The following SLC35F4 variants were observed in gnomAD, a reference collection of about 807,000 sequenced individuals.
The protein encoded by SLC35F4 is chromosome 14 open reading frame 36.
In SLC35F4, 24 loss-of-function variants were observed where a neutral mutation model predicts 44.2. That is an observed-to-expected ratio of 0.54 (90% confidence interval 0.39 to 0.76). The LOEUF (loss-of-function observed/expected upper bound fraction) is 0.76, where lower values mean the gene tolerates loss of function less well. Ranked by LOEUF, SLC35F4 falls within the 30% of genes least tolerant of loss-of-function variation. The probability of loss-of-function intolerance (pLI) is 0.00; values close to 1 mark genes in which losing one functional copy is unlikely to be tolerated. For synonymous variants in SLC35F4, 238 were observed against 223.6 expected (o/e 1.06, Z -0.57); for missense variants, 562 against 586.1 (o/e 0.96, Z 0.42).
At chr14:57,773,172 C>A (rs116888382) in intron 1 of SLC35F4, among the ~76,000 whole-genome samples, 108 of 152,258 alleles carry the variant, frequency 7.1e-4, no homozygotes, top group Admixed American at 1.2e-3. Flanking sequence ...TTTTGCCCAG[C>A]TTTTAATGGG....
intron 1 of SLC35F4, among the ~76,000 whole-genome samples, chr14:57,804,686 A>C (rs1881087682): frequency 6.6e-6 from 1 of 152,228 alleles, no homozygotes; most frequent in Admixed American, 6.5e-5. Context: ...AATCCAGGCA[A>C]TAGCATTCAG....
chr14:57,830,790 A>G (rs114389494), intron 1 of SLC35F4, among the ~76,000 whole-genome samples: 180 of 152,240 alleles, frequency 1.2e-3, no homozygotes, highest in African/African-American at 4.2e-3. Context: ...AGGTGTTGCA[A>G]GACAAAGAAT....
At position 57,832,381 on chromosome 14, in the gene SLC35F4, C is replaced by T. The variant is rs76365970; in HGVS notation, c.103+33342G>A. ...ACTTTAAGTAGCTTGTCCAAAGTCA[C>T]AGATTAATACATAGAAGAAGAATAT... On this transcript the variant is annotated intron_variant, in intron 1 of 7. Coordinates refer to ENST00000556826, the MANE Select transcript of SLC35F4 (RefSeq NM_001306087.2). Among the ~76,000 whole-genome samples, 862 of 152,260 alleles carry T rather than the reference C, an allele frequency of 5.7e-3. 6 individuals carry two copies. The highest frequency in any genetic ancestry group is 0.019 in the African/African-American group (788 of 41,530).
chr14:57,692,095 T>G (rs909422488), intron 1 of SLC35F4, among the ~76,000 whole-genome samples: 2 of 152,230 alleles, frequency 1.3e-5, no homozygotes, highest in Admixed American at 1.3e-4. Flanking sequence ...ACTTACATGT[T>G]GTTCACTTCC....
intron 1 of SLC35F4, among the ~76,000 whole-genome samples, chr14:57,802,985 CAAAAAAAAAA>C (rs59647111): frequency 1.4e-5 from 1 of 71,320 alleles, no homozygotes; most frequent in African/African-American, 8.6e-5. Context: ...GCAGAGATAC[CAAAAAAAAAA>C]AAAAAAAAAA....
Position 57,749,586 on chromosome 14 carries a change from T to C in SLC35F4, c.103+116137A>G, listed in dbSNP as rs1443865995. 2.0e-5 allele frequency among the ~76,000 whole-genome samples: 3 copies of C among 152,072 alleles called. No individual in the cohort carries two copies. In the East Asian group the frequency reaches 5.8e-4, roughly 29 times the overall value. Reference sequence around the variant, plus strand: ...AAGCACTAGGCTTTGCAGTTGAAGTTTAAAGGTGTAATAAATGTACTCTGC... The same window carrying C: ...AAGCACTAGGCTTTGCAGTTGAAGTCTAAAGGTGTAATAAATGTACTCTGC... On this transcript the variant is annotated intron_variant, in intron 1 of 7. Transcript: ENST00000556826.
intron 1 of SLC35F4, among the ~76,000 whole-genome samples, chr14:57,951,600 GA>G (rs1344180173): frequency 6.6e-6 from 1 of 152,174 alleles, no homozygotes; most frequent in African/African-American, 2.4e-5. Flanking sequence ...TTGGTGTGGG[GA>G]GGGGCATCTT....
chr14:57,568,275 G>A (rs1319614562), intron 6 of SLC35F4, among the ~76,000 whole-genome samples: 1 of 152,218 alleles, frequency 6.6e-6, no homozygotes, highest in African/African-American at 2.4e-5. Context: ...TCCAGCCTCT[G>A]CAGGCTTGCT....
At chr14:57,776,649 G>C (rs995937712) in intron 1 of SLC35F4, among the ~76,000 whole-genome samples, 12 of 117,698 alleles carry the variant, frequency 1.0e-4, no homozygotes, top group Non-Finnish European at 1.9e-4. Context: ...TTGGGCAGCA[G>C]AGCAAGACTC....
chr14:57,937,065 T>TC (rs1889810119), intron 1 of SLC35F4, among the ~76,000 whole-genome samples: 1 of 1,764 alleles, frequency 5.7e-4, no homozygotes, highest in Non-Finnish European at 8.9e-3. Flanking sequence ...TTTTACCTGC[T>TC]TTTTTTTTTT....
chr14:57,770,800 C>A (rs2077345477), intron 1 of SLC35F4, among the ~76,000 whole-genome samples: 1 of 152,132 alleles, frequency 6.6e-6, no homozygotes, highest in Non-Finnish European at 1.5e-5. Context: ...ACTTTCAGGA[C>A]AATTTATTAT....
At position 57,865,852 on chromosome 14, in the gene SLC35F4, T is replaced by G; in HGVS notation, c.-27A>C. The G allele has an allele frequency of 6.8e-7, 1 of 1,467,366 alleles. No homozygotes were observed. Among genetic ancestry groups the G allele is most frequent in the African/African-American group, 1.5e-5 (1 of 68,304 alleles). 90.9% of individuals were successfully genotyped at this position (1,467,366 alleles called of 1,614,324 possible). A position where few individuals can be genotyped will look rare whatever the true frequency, so the allele number is the denominator to read the frequency against. ...GAGAGCGCGGGGCGACGGCCCCGAG[T>G]GCGGCGGGGCGGAGAGCGCAGCGCG... is the stretch of plus-strand genomic sequence containing the variant. On this transcript the variant is annotated 5_prime_UTR_variant, in exon 1 of 8. Transcript: ENST00000556826.
Position 57,621,826 on chromosome 14 carries a change from T to C in SLC35F4, c.104-27702A>G, listed in dbSNP as rs570237132. ...GACAAAATTGACAAATGGGATCTAA[T>C]TAAACTAAAGAGTTCCTGCACAGCA... On this transcript the variant is annotated intron_variant, in intron 1 of 7. Transcript: ENST00000556826. 4.1e-5 allele frequency among the ~76,000 whole-genome samples: 6 copies of C among 148,110 alleles called. No homozygotes were observed. In the South Asian group the frequency reaches 8.9e-4, roughly 22 times the overall value.
At chr14:57,925,265 T>C (rs1328484342) in intron 1 of SLC35F4, among the ~76,000 whole-genome samples, 1 of 152,126 alleles carries the variant, frequency 6.6e-6, no homozygotes, top group Non-Finnish European at 1.5e-5. Flanking sequence ...GCACCATTTT[T>C]ATAATGTCTG....
chr14:57,816,406 C>T (rs1027378932), intron 1 of SLC35F4, among the ~76,000 whole-genome samples: 1 of 152,140 alleles, frequency 6.6e-6, no homozygotes, highest in Non-Finnish European at 1.5e-5. Flanking sequence ...AATGAACCTC[C>T]CTATAGTCTA....
chr14:57,865,398 C>T (rs1009793274), intron 1 of SLC35F4, among the ~76,000 whole-genome samples: 2 of 152,198 alleles, frequency 1.3e-5, no homozygotes, highest in Non-Finnish European at 2.9e-5. Context: ...TAGCCTCCTC[C>T]GGGCGTAAAT....
At chr14:57,580,793 ATATT>A (rs1338196865) in intron 4 of SLC35F4, among the ~76,000 whole-genome samples, 4 of 152,208 alleles carry the variant, frequency 2.6e-5, no homozygotes, top group African/African-American at 9.6e-5. Flanking sequence ...ACTTACACCA[ATATT>A]AATTAAGTCC....
At chr14:57,761,084 C>G (rs1036925940) in intron 1 of SLC35F4, among the ~76,000 whole-genome samples, 1 of 152,170 alleles carries the variant, frequency 6.6e-6, no homozygotes, top group Non-Finnish European at 1.5e-5. Context: ...AGGAAACTCT[C>G]TCTCCAGGAA....
chr14:57,624,293 T>C (rs1304091140), intron 1 of SLC35F4, among the ~76,000 whole-genome samples: 4 of 152,130 alleles, frequency 2.6e-5, no homozygotes, highest in African/African-American at 9.7e-5. Context: ...AGTTCTGAAA[T>C]TGAAGCAGTA....
Sources: gnomAD v4.1 joint callset for allele counts (sites outside exome capture counted in the v4.1 genomes callset) on GRCh38, gnomAD v4.1.1 for gene constraint, MANE v1.5 for transcripts, NCBI Gene and HGNC (gene_info 2026-07-23, HGNC 2026-07-21) for gene names.